Variants in A3GALT2 observed in about 807,000 individuals in gnomAD.
A3GALT2 encodes the protein alpha-1,3-galactosyltransferase 2.
Under a neutral mutation model 16.6 loss-of-function variants are expected in A3GALT2, and 14 were observed. The ratio of observed to expected loss-of-function variants is 0.84; its 90% CI spans 0.56 to 1.32. A3GALT2 has a LOEUF of 1.32. A3GALT2 is among the 40% of genes most tolerant of loss of function. The pLI, the probability that A3GALT2 is intolerant of heterozygous loss-of-function variation, is 0.00. For synonymous variants in A3GALT2, 253 were observed against 218.0 expected (o/e 1.16, Z -1.42); for missense variants, 600 against 490.9 (o/e 1.22, Z -2.10).
intron 1 of A3GALT2, 75 bp downstream of exon 1, chr1:33,321,001 A>T: frequency 6.3e-7 from 1 of 1,584,760 alleles, no homozygotes; most frequent in South Asian, 1.1e-5. Flanking sequence ...GTACTGTTTT[A>T]GCCATCAGAC....
chr1:33,309,881 T>G (rs890524109), intron 4 of A3GALT2, among the ~76,000 whole-genome samples: 3 of 152,002 alleles, frequency 2.0e-5, no homozygotes, highest in African/African-American at 7.3e-5. Flanking sequence ...GCAGAGACGC[T>G]CCTCACTTCC....
intron 1 of A3GALT2, among the ~76,000 whole-genome samples, chr1:33,317,873 T>A (rs944770555): frequency 6.6e-6 from 1 of 152,218 alleles, no homozygotes; most frequent in African/African-American, 2.4e-5. Context: ...TGGGAGCATT[T>A]CCTTTGAATG....
In A3GALT2 at chr1:33,307,105, C is replaced by T; in HGVS notation, c.684G>A (p.Pro228=). The change falls in exon 5 of 5, where the codon CCG becomes CCA. Residue 228 remains proline (P), a synonymous_variant. Coordinates refer to ENST00000442999, the MANE Select transcript of A3GALT2 (RefSeq NM_001080438.1). ...AQLHSWHYHW[P]SWLLPFERDA... ...CGCGTTCGAAGGGCAGCAGCCACGA[C>T]GGCCAGTGGTAGTGCCAGGAGTGCA... 8 of 1,530,966 alleles carry T rather than the reference C, an allele frequency of 5.2e-6. No individual in the cohort carries two copies. Among genetic ancestry groups the T allele is most frequent in the East Asian group, 5.2e-5 (2 of 38,714 alleles). The allele number at this position is 1,530,966 out of a possible 1,614,324, so 94.8% of individuals were successfully genotyped here.
intron 1 of A3GALT2, among the ~76,000 whole-genome samples, chr1:33,316,160 A>C (rs1297470767): frequency 2.6e-5 from 4 of 152,192 alleles, no homozygotes; most frequent in African/African-American, 4.8e-5. Flanking sequence ...CAGGTGAAGA[A>C]GGCATGGAGG....
Position 33,320,202 on chromosome 1 carries a change from C to T in A3GALT2, c.23+874G>A, listed in dbSNP as rs957071755. On this transcript the variant is annotated intron_variant, in intron 1 of 4. Coordinates refer to ENST00000442999, the MANE Select transcript of A3GALT2 (RefSeq NM_001080438.1). The surrounding 1 kb of genome is among the most constrained non-coding windows in gnomAD (Gnocchi z 4.3). ...TCTGGTTCCTAGAAGCCTGGTCAAA[C>T]CCCGTACTGGGAGCTGGCAAGGCTG... 6.6e-6 allele frequency among the ~76,000 whole-genome samples: 1 copy of T among 152,024 alleles called. No homozygotes were observed. Among genetic ancestry groups the T allele is most frequent in the Non-Finnish European group, 1.5e-5 (1 of 68,026 alleles).
chr1:33,312,610 G>T lies in A3GALT2; in HGVS notation c.108-20C>A. 6.4e-7 allele frequency: 1 copy of T among 1,554,030 alleles called. No individual in the cohort carries two copies. Among genetic ancestry groups the T allele is most frequent in the Non-Finnish European group, 8.7e-7 (1 of 1,145,530 alleles). On this transcript the variant is annotated intron_variant, in intron 2 of 4. Coordinates refer to ENST00000442999, the MANE Select transcript of A3GALT2 (RefSeq NM_001080438.1). ...AGATGCCTGTGGTGGGTTGAGGGGC[G>T]GGGGGCAGGCAGCCGTGAGAAGCAT...
intron 1 of A3GALT2, chr1:33,314,342 C>G (rs529055198): frequency 6.6e-6 from 1 of 152,334 alleles, no homozygotes; most frequent in African/African-American, 2.4e-5. Context: ...GGATTACAGG[C>G]GTGAGCCACC....
In A3GALT2 at chr1:33,312,741, C is replaced by T; in HGVS notation, c.107+66G>A. ...CTGCCCTCCATCCCTCAAGGAGGCA[C>T]TTAGACAGATCCCCTTTAAACCTGA... On this transcript the variant is annotated intron_variant, in intron 2 of 4. Transcript: ENST00000442999. 2.0e-6 allele frequency: 3 copies of T among 1,510,298 alleles called. No homozygotes were observed. The South Asian group carries it at 3.5e-5, about 18-fold the overall frequency. 93.6% of individuals were successfully genotyped at this position (1,510,298 alleles called of 1,614,324 possible).
intron 4 of A3GALT2, among the ~76,000 whole-genome samples, chr1:33,308,700 C>T (rs1418297483): frequency 6.7e-6 from 1 of 150,136 alleles, no homozygotes; most frequent in African/African-American, 2.5e-5. Context: ...AGCTACTACG[C>T]CTGGCCCTCC....
In A3GALT2 at chr1:33,306,861, C is replaced by G; in HGVS notation, c.928G>C (p.Glu310Gln). 1.3e-6 allele frequency: 2 copies of G among 1,514,358 alleles called. No homozygotes were observed. The highest frequency in any genetic ancestry group is 1.2e-5 in the South Asian group (1 of 81,046). The allele number at this position is 1,514,358 out of a possible 1,614,324, so 93.8% of individuals were successfully genotyped here. Reference protein sequence around the residue: ...LHKPAKVLSPEFCWSPDIGPR... With the variant: ...LHKPAKVLSPQFCWSPDIGPR... ...CCGATGTCCGGGCTCCAGCAGAACT[C>G]GGGCGACAGCACCTTGGCGGGCTTG... Residue 310 changes from glutamate to glutamine, a missense_variant, in exon 5 of 5, where the codon GAG (glutamate) becomes CAG (glutamine). Glu to Gln is a conservative substitution (Grantham distance 29). Transcript: ENST00000442999.
chr1:33,317,307 A>G (rs950916176), intron 1 of A3GALT2, among the ~76,000 whole-genome samples: 2 of 152,196 alleles, frequency 1.3e-5, no homozygotes, highest in Non-Finnish European at 2.9e-5. Context: ...AAGAATAAAA[A>G]CGTGCATCAG....
chr1:33,316,468 C>CA (rs902116058), intron 1 of A3GALT2, among the ~76,000 whole-genome samples: 4 of 152,048 alleles, frequency 2.6e-5, no homozygotes, highest in African/African-American at 4.8e-5. Flanking sequence ...AACCAACAAA[C>CA]AAAAAAACCC....
chr1:33,316,058 T>C (rs1646259867), intron 1 of A3GALT2, among the ~76,000 whole-genome samples: 1 of 152,232 alleles, frequency 6.6e-6, no homozygotes, highest in Non-Finnish European at 1.5e-5. Context: ...GAGTAGCACC[T>C]GAGCCTTCGT....
rs1347957953 is a variant in A3GALT2 at position 33,312,980 on chromosome 1, T to TCCAG, written c.24-94_24-91dup. ...ACATACATGAAAAGTCTTTCTTACT[T>TCCAG]CCAGCCAGCTGGTTCTTCTGCATGA... On this transcript the variant is annotated intron_variant, in intron 1 of 4. Transcript: ENST00000442999. The TCCAG allele has an allele frequency of 6.5e-6, 7 of 1,084,488 alleles. No homozygotes were observed. In the African/African-American group the frequency reaches 1.1e-4, roughly 17 times the overall value. 67.2% of individuals were successfully genotyped at this position (1,084,488 alleles called of 1,614,324 possible). A position where few individuals can be genotyped will look rare whatever the true frequency, so the allele number is the denominator to read the frequency against.
chr1:33,307,341 C>CG lies in A3GALT2; in HGVS notation c.447dup (p.Val150ArgfsTer104), dbSNP rs1442587917. 1 of 1,540,248 alleles carries CG rather than the reference C, an allele frequency of 6.5e-7. No homozygotes were observed. Among genetic ancestry groups the CG allele is most frequent in the Non-Finnish European group, 8.7e-7 (1 of 1,151,302 alleles). On this transcript the variant is annotated frameshift_variant, in exon 5 of 5. Transcript: ENST00000442999. LOFTEE classifies it low-confidence loss of function (END_TRUNC). ...AGCCGGCGTCCCGGGCCCAGCGCCA[C>CG]GCGGGGCACCGCTCCCGGAAGCTCG... is the stretch of plus-strand genomic sequence containing the variant.
intron 4 of A3GALT2, among the ~76,000 whole-genome samples, chr1:33,310,922 C>G (rs929483113): frequency 3.3e-5 from 5 of 152,222 alleles, no homozygotes; most frequent in Non-Finnish European, 7.3e-5. Flanking sequence ...CCGCCTGGTC[C>G]ACGGGGCAGC....
chr1:33,312,722 T>A, intron 2 of A3GALT2, 85 bp downstream of exon 2: 1 of 1,459,922 alleles, frequency 6.8e-7, no homozygotes, highest in Non-Finnish European at 9.5e-7. Flanking sequence ...GCCACTGCCC[T>A]CCATCCCTCA....
At position 33,312,483 on chromosome 1, in the gene A3GALT2, G is replaced by A. The variant is rs1174122929; in HGVS notation, c.197+18C>T. 6.4e-7 allele frequency: 1 copy of A among 1,567,218 alleles called. No individual in the cohort carries two copies. Reference sequence around the variant, plus strand: ...GTTTGGGGGTGCCCTTGGAGTAGGAGGGATGGGAGCTTCTTACCAGGGACG... The same window carrying A: ...GTTTGGGGGTGCCCTTGGAGTAGGAAGGATGGGAGCTTCTTACCAGGGACG... On this transcript the variant is annotated intron_variant, in intron 3 of 4. Coordinates refer to ENST00000442999, the MANE Select transcript of A3GALT2 (RefSeq NM_001080438.1).
At chr1:33,319,273 G>A (rs1199505127) in intron 1 of A3GALT2, among the ~76,000 whole-genome samples, 5 of 152,226 alleles carry the variant, frequency 3.3e-5, no homozygotes, top group Non-Finnish European at 5.9e-5. Context: ...AGCTTGAGAA[G>A]CACTGAGTTG....
Sources: allele counts gnomAD v4.1 joint callset (sites outside exome capture counted in the v4.1 genomes callset), GRCh38; gene constraint gnomAD v4.1.1; non-coding constraint Gnocchi (gnomAD v3.1); transcripts MANE v1.5; gene names NCBI Gene and HGNC (gene_info 2026-07-23, HGNC 2026-07-21).